The following ACVR1 variants were observed in gnomAD, a reference collection of about 807,000 sequenced individuals.
ACVR1 encodes activin A receptor type 1.
ACVR1 carries 38 observed loss-of-function variants against 57.1 expected under a neutral mutation model. The observed-to-expected ratio is 0.67, with a 90% confidence interval of 0.51 to 0.87. ACVR1 has a LOEUF of 0.87. Among genes scored for constraint, ACVR1 ranks in the 40% least tolerant of loss-of-function variants. The pLI is 0.00. For synonymous variants in ACVR1, 212 were observed against 228.1 expected (o/e 0.93, Z 0.63); for missense variants, 463 against 638.2 (o/e 0.73, Z 2.96).
intron 6 of ACVR1, among the ~76,000 whole-genome samples, chr2:157,771,429 G>A (rs1173044091): frequency 1.3e-5 from 2 of 152,152 alleles, no homozygotes; most frequent in East Asian, 3.9e-4. Context: ...ATTATAGGTA[G>A]GGGTGATCAG....
At chr2:157,805,825 T>C (rs1455294492) in intron 2 of ACVR1, among the ~76,000 whole-genome samples, 6 of 138,606 alleles carry the variant, frequency 4.3e-5, no homozygotes, top group Non-Finnish European at 6.3e-5. Flanking sequence ...TTTTTCTTTT[T>C]TTTTTTTTTT....
At chr2:157,845,627 C>G (rs1689107212) in intron 1 of ACVR1, among the ~76,000 whole-genome samples, 1 of 150,898 alleles carries the variant, frequency 6.6e-6, no homozygotes, top group South Asian at 2.1e-4. Flanking sequence ...GAAGCTAATA[C>G]AGATGGTGAG....
chr2:157,757,847 A>C (rs1449096802), intron 9 of ACVR1, among the ~76,000 whole-genome samples: 3 of 151,696 alleles, frequency 2.0e-5, no homozygotes, highest in Non-Finnish European at 3.0e-5. Flanking sequence ...AGGAGAAAAA[A>C]TTCAAATTTA....
chr2:157,872,864 G>A (rs1041494915), intron 1 of ACVR1, among the ~76,000 whole-genome samples: 1 of 152,074 alleles, frequency 6.6e-6, no homozygotes, highest in Non-Finnish European at 1.5e-5. Context: ...CCAAAAACCA[G>A]AACATCACCA....
chr2:157,739,950 C>G (rs756239018), intron 9 of ACVR1, among the ~76,000 whole-genome samples: 5 of 152,026 alleles, frequency 3.3e-5, no homozygotes, highest in Admixed American at 6.6e-5. Flanking sequence ...TTTGGGAGGT[C>G]GTGGTGGGTG....
At chr2:157,849,821 C>T (rs893237011) in intron 1 of ACVR1, among the ~76,000 whole-genome samples, 6 of 152,226 alleles carry the variant, frequency 3.9e-5, no homozygotes, top group Non-Finnish European at 5.9e-5. Context: ...TCTCTCCATT[C>T]CTGGAATAGT....
intron 2 of ACVR1, among the ~76,000 whole-genome samples, chr2:157,800,155 T>C (rs1457644315): frequency 6.6e-6 from 1 of 152,230 alleles, no homozygotes; most frequent in African/African-American, 2.4e-5. Context: ...ATTTGAATAA[T>C]GTGAAACATC....
intron 5 of ACVR1, 76 bp downstream of exon 5, chr2:157,778,055 G>A (rs1686358096): frequency 1.5e-5 from 23 of 1,492,680 alleles, no homozygotes; most frequent in Non-Finnish European, 2.0e-5. Flanking sequence ...ACTGGTTAGC[G>A]TTTCATGCTC....
intron 9 of ACVR1, among the ~76,000 whole-genome samples, chr2:157,746,877 T>C (rs1684986387): frequency 6.6e-6 from 1 of 152,266 alleles, no homozygotes; most frequent in Admixed American, 6.5e-5. Flanking sequence ...AGGACACTAT[T>C]GAGAAATGCT....
At chr2:157,745,815 T>C (rs1439572214) in intron 9 of ACVR1, among the ~76,000 whole-genome samples, 1 of 152,216 alleles carries the variant, frequency 6.6e-6, no homozygotes, top group Non-Finnish European at 1.5e-5. Flanking sequence ...ATAGGAGTTG[T>C]CATGGTTTCC....
chr2:157,838,914 T>A lies in ACVR1; in HGVS notation c.-182-20355A>T, dbSNP rs545134693. Among the ~76,000 whole-genome samples, 51 of 152,266 alleles carry A rather than the reference T, an allele frequency of 3.3e-4. No homozygotes were observed. In the South Asian group the frequency reaches 9.5e-3, roughly 28 times the overall value. On this transcript the variant is annotated intron_variant, in intron 1 of 10. Coordinates refer to ENST00000434821, the MANE Select transcript of ACVR1 (RefSeq NM_001111067.4). ...CCTCCAACATGCAGGTGTCAAGCAA[T>A]CCATCCTGCCCCTCAGCCCCACTCC... is the stretch of plus-strand genomic sequence containing the variant.
chr2:157,773,703 A>G (rs1352241779), intron 6 of ACVR1, among the ~76,000 whole-genome samples: 1 of 152,204 alleles, frequency 6.6e-6, no homozygotes, highest in Non-Finnish European at 1.5e-5. Flanking sequence ...TAAAAAGAAG[A>G]AAAGAATGAG....
chr2:157,777,955 T>C (rs911829962), intron 5 of ACVR1, among the ~76,000 whole-genome samples, 176 bp downstream of exon 5: 1 of 152,200 alleles, frequency 6.6e-6, no homozygotes, highest in Non-Finnish European at 1.5e-5. Context: ...ATGGCTGTTC[T>C]GATATGGGAA....
intron 2 of ACVR1, among the ~76,000 whole-genome samples, chr2:157,801,402 T>C (rs1306024455): frequency 6.6e-6 from 1 of 152,178 alleles, no homozygotes; most frequent in Non-Finnish European, 1.5e-5. Context: ...TTACAGAAAC[T>C]AGAGATTGCA....
intron 2 of ACVR1, among the ~76,000 whole-genome samples, chr2:157,807,567 T>C (rs1687595170): frequency 1.3e-5 from 2 of 152,032 alleles, no homozygotes; most frequent in African/African-American, 4.8e-5. Flanking sequence ...TGGACCATTT[T>C]TTTTTTTTTA....
At chr2:157,842,181 AC>A (rs1234941790) in intron 1 of ACVR1, among the ~76,000 whole-genome samples, 1 of 152,174 alleles carries the variant, frequency 6.6e-6, no homozygotes, top group Non-Finnish European at 1.5e-5. Flanking sequence ...ACTGAAGAAG[AC>A]CTTGGAAAAG....
rs550404852 is a variant in ACVR1 at position 157,808,004 on chromosome 2, T to C, written c.-7-8504A>G. 9.7e-4 allele frequency among the ~76,000 whole-genome samples: 147 copies of C among 152,048 alleles called. No homozygotes were observed. In the Middle Eastern group the frequency reaches 0.014, roughly 14 times the overall value. Reference sequence around the variant, plus strand: ...TGTGGTAGTGAGAAACACCACCCTTTATACACTGGCCTAACCAAAGCCTTC... The same window carrying C: ...TGTGGTAGTGAGAAACACCACCCTTCATACACTGGCCTAACCAAAGCCTTC... On this transcript the variant is annotated intron_variant, in intron 2 of 10. Transcript: ENST00000434821.
chr2:157,806,038 G>T (rs979741611), intron 2 of ACVR1, among the ~76,000 whole-genome samples: 1 of 151,738 alleles, frequency 6.6e-6, no homozygotes, highest in Admixed American at 6.6e-5. Context: ...ATGTTTCTCA[G>T]TCTGGTCTCG....
At chr2:157,800,593 T>C (rs571654597) in intron 2 of ACVR1, among the ~76,000 whole-genome samples, 1 of 152,310 alleles carries the variant, frequency 6.6e-6, no homozygotes, top group South Asian at 2.1e-4. Flanking sequence ...TCCATAATTA[T>C]AGTTCAGTCA....
Sources: allele counts gnomAD v4.1 joint callset (sites outside exome capture counted in the v4.1 genomes callset), GRCh38; gene constraint gnomAD v4.1.1; transcripts MANE v1.5; gene names NCBI Gene and HGNC (gene_info 2026-07-23, HGNC 2026-07-21).